Variants in ZFHX3 observed in about 807,000 individuals in gnomAD.
The protein encoded by ZFHX3 is zinc finger homeobox 3.
Under a neutral mutation model 279.1 loss-of-function variants are expected in ZFHX3, and 42 were observed. That is an observed-to-expected ratio of 0.15 (90% CI 0.12 to 0.19). The LOEUF is 0.19. ZFHX3 is among the 10% of genes least tolerant of loss of function. The pLI, the probability that ZFHX3 is intolerant of heterozygous loss-of-function variation, is 1.00. For missense variants in ZFHX3, 4,981 were observed against 4,754.0 expected (o/e 1.05, Z -1.40); for synonymous variants, 2,293 against 1,957.8 (o/e 1.17, Z -4.52).
chr16:73,093,669 A>T (rs1597154301), intron 7 of ZFHX3: 1 of 419,578 alleles, frequency 2.4e-6, no homozygotes, highest in Non-Finnish European at 4.9e-6. Context: ...TCGCCATTAC[A>T]GCGCTGATTA....
At chr16:73,516,166 T>C (rs2019517855) in intron 2 of ZFHX3, among the ~76,000 whole-genome samples, 1 of 152,196 alleles carries the variant, frequency 6.6e-6, no homozygotes, top group Non-Finnish European at 1.5e-5. Context: ...TCACACGAAT[T>C]GCTAACGCTA....
intron 5 of ZFHX3, among the ~76,000 whole-genome samples, chr16:73,191,329 G>A (rs1473079491): frequency 2.6e-5 from 4 of 152,124 alleles, no homozygotes; most frequent in African/African-American, 9.7e-5. Context: ...AGGTCTGTTC[G>A]CTGGGCAAGG....
At chr16:73,646,220 A>G (rs975659435) in intron 2 of ZFHX3, among the ~76,000 whole-genome samples, 8 of 152,200 alleles carry the variant, frequency 5.3e-5, no homozygotes, top group African/African-American at 1.9e-4. Flanking sequence ...GATTAAAGAA[A>G]GTAGGATGTG....
chr16:73,729,824 T>C (rs1239554279), intron 1 of ZFHX3, among the ~76,000 whole-genome samples: 1 of 152,190 alleles, frequency 6.6e-6, no homozygotes, highest in African/African-American at 2.4e-5. Context: ...ATGGGGTCCC[T>C]CTTCTCAAGG....
intron 2 of ZFHX3, among the ~76,000 whole-genome samples, chr16:73,591,521 T>C (rs2051996291): frequency 6.6e-6 from 1 of 150,434 alleles, no homozygotes; most frequent in Non-Finnish European, 1.5e-5. Context: ...TGAAACCTTG[T>C]CTCTACTAAA....
chr16:72,951,531 G>C (rs1387493644), intron 2 of ZFHX3, among the ~76,000 whole-genome samples: 2 of 152,206 alleles, frequency 1.3e-5, no homozygotes, highest in Non-Finnish European at 2.9e-5. Context: ...CAAAGTGCTA[G>C]AATGACAGGC....
rs2143448156 is a variant in ZFHX3, at chr16:72,797,258, C to G, written c.5424G>C (p.Gln1808His). 6.2e-7 allele frequency: 1 copy of G among 1,613,170 alleles called. No homozygotes were observed. The highest frequency in any genetic ancestry group is 2.2e-5 in the East Asian group (1 of 44,844). The change falls in exon 9 of 10, where the codon CAG (glutamine) becomes CAC (histidine). Residue 1808 changes from glutamine to histidine, a missense_variant. By Grantham distance (24) the Gln-to-His change is conservative. Around this residue, in one of 7 missense-constraint regions of ZFHX3, gnomAD observed 1,751 missense variants for 1,770.0 expected, o/e 0.99. Coordinates refer to ENST00000268489, the MANE Select transcript of ZFHX3 (RefSeq NM_006885.4). ...FPFYIPSAEF[Q>H]LNPEVSLPVT... is the part of the protein sequence containing the mutation. ...CTGGCAAGCTCACCTCGGGGTTAAG[C>G]TGGAACTCAGCACTGGGGATGTAGA... is the stretch of plus-strand genomic sequence containing the variant.
chr16:73,802,262 A>T (rs1960168026), intron 1 of ZFHX3, among the ~76,000 whole-genome samples: 1 of 152,188 alleles, frequency 6.6e-6, no homozygotes, highest in Non-Finnish European at 1.5e-5. Flanking sequence ...CCTCTTCAGG[A>T]AGGAGGGACC....
At chr16:73,563,249 T>G (rs9933555) in intron 2 of ZFHX3, among the ~76,000 whole-genome samples, 6,237 of 150,528 alleles carry the variant, frequency 0.041, 184 homozygotes, top group South Asian at 0.079. Flanking sequence ...TTTTTGTTTT[T>G]TTTTTTGAGA....
At chr16:73,236,771 A>T (rs2012962533) in intron 5 of ZFHX3, among the ~76,000 whole-genome samples, 1 of 152,204 alleles carries the variant, frequency 6.6e-6, no homozygotes, top group Admixed American at 6.5e-5. Context: ...TTTTCATTTT[A>T]AAAAATGTTC....
chr16:73,840,977 C>G (rs909491579), intron 1 of ZFHX3, among the ~76,000 whole-genome samples: 3 of 152,054 alleles, frequency 2.0e-5, no homozygotes, highest in Admixed American at 2.0e-4. Flanking sequence ...TGGCAGGACA[C>G]CAGGAAAAGC....
intron 1 of ZFHX3, among the ~76,000 whole-genome samples, chr16:73,695,905 A>G (rs2053193686): frequency 6.6e-6 from 1 of 152,186 alleles, no homozygotes; most frequent in South Asian, 2.1e-4. Context: ...GGCCCAAAGA[A>G]CAAAGCAGAT....
intron 4 of ZFHX3, among the ~76,000 whole-genome samples, chr16:72,874,121 C>G (rs7206490): frequency 0.97 from 147,325 of 151,716 alleles, 71,928 homozygotes; most frequent in Middle Eastern, 1. Context: ...AACTTTTAAA[C>G]AGGTGGTCTT....
At chr16:72,961,584 A>C (rs1420614211) in intron 1 of ZFHX3, among the ~76,000 whole-genome samples, 1 of 150,750 alleles carries the variant, frequency 6.6e-6, no homozygotes, top group Non-Finnish European at 1.5e-5. Context: ...GGTTTCGGCC[A>C]GGTTTGATCT....
chr16:73,777,274 C>T (rs1221547607), intron 1 of ZFHX3, among the ~76,000 whole-genome samples: 2 of 152,018 alleles, frequency 1.3e-5, no homozygotes, highest in East Asian at 3.9e-4. Context: ...GAGGCCAAGG[C>T]AGGAGGATCA....
chr16:73,105,386 C>CATATATATATACACACATATATATAT (rs1195168652), intron 7 of ZFHX3, among the ~76,000 whole-genome samples: 1 of 118,700 alleles, frequency 8.4e-6, no homozygotes, highest in African/African-American at 4.7e-5. Context: ...TATATATACA[C>CATATATATATACACACATATATATAT]ACACACACAT....
chr16:73,425,782 C>T (rs1346372015), intron 3 of ZFHX3, among the ~76,000 whole-genome samples: 2 of 152,138 alleles, frequency 1.3e-5, no homozygotes. Flanking sequence ...CAGATATCAG[C>T]TATATCCTTC....
At chr16:73,406,730 C>T (rs1309502436) in intron 3 of ZFHX3, among the ~76,000 whole-genome samples, 21 of 152,124 alleles carry the variant, frequency 1.4e-4, no homozygotes, top group Non-Finnish European at 1.8e-4. Flanking sequence ...AATTTTAGGG[C>T]CGAAGGATGG....
chr16:72,794,177 A>C lies in ZFHX3; in HGVS notation c.8505T>G (p.Cys2835Trp). 6.2e-7 allele frequency: 1 copy of C among 1,614,176 alleles called. No individual in the cohort carries two copies. The highest frequency in any genetic ancestry group is 8.5e-7 in the Non-Finnish European group (1 of 1,180,028). Residue 2835 changes from cysteine to tryptophan, a missense_variant, in exon 9 of 10, where the codon TGT (cysteine) becomes TGG (tryptophan). Cys to Trp is a radical substitution (Grantham distance 215). Around this residue, in one of 7 missense-constraint regions of ZFHX3, gnomAD observed 744 missense variants for 701.3 expected, o/e 1.06. Coordinates refer to ENST00000268489, the MANE Select transcript of ZFHX3 (RefSeq NM_006885.4). The surrounding 1 kb of genome is among the most constrained non-coding windows in gnomAD (Gnocchi z 4.2). Reference protein sequence around the residue: ...FDQTKLDNDDCSSVNTAITDT... With the variant: ...FDQTKLDNDDWSSVNTAITDT... ...CTGTGATTGCTGTGTTGACAGAGGA[A>C]CAGTCATCGTTGTCCAGCTTAGTTT...
Sources: gnomAD v4.1 joint callset for allele counts (sites outside exome capture counted in the v4.1 genomes callset) on GRCh38, gnomAD v4.1.1 for gene constraint, gnomAD v4.1.1 regional missense constraint, Gnocchi (gnomAD v3.1) non-coding constraint, MANE v1.5 for transcripts, NCBI Gene and HGNC (gene_info 2026-07-23, HGNC 2026-07-21) for gene names.